The following SLC6A5 variants were observed in gnomAD, a reference collection of about 807,000 sequenced individuals.
SLC6A5 encodes the protein solute carrier family 6 member 5, also known as sodium- and chloride-dependent glycine transporter 2.
In SLC6A5, 58 loss-of-function variants were observed where a neutral mutation model predicts 90.5. The ratio of observed to expected loss-of-function variants is 0.64; its 90% confidence interval spans 0.52 to 0.80. The LOEUF (loss-of-function observed/expected upper bound fraction) is 0.80, where lower values mean the gene tolerates loss of function less well. Among genes scored for constraint, SLC6A5 ranks in the 30% least tolerant of loss-of-function variants. The pLI, the probability that SLC6A5 is intolerant of heterozygous loss-of-function variation, is 0.00. For missense variants in SLC6A5, 1,015 were observed against 1,017.6 expected (o/e 1.00, Z 0.03); for synonymous variants, 427 against 401.4 (o/e 1.06, Z -0.76).
chr11:20,601,261 C>A lies in SLC6A5; in HGVS notation c.136C>A (p.Pro46Thr). ...PEQELPAAAAPPPPRVPRSAS... is the reference protein window; with the variant it reads ...PEQELPAAAATPPPRVPRSAS... ...GCAGGAGCTTCCCGCGGCTGCCGCCCCGCCGCCGCCACGTGTGCCCAGGTC... is the reference window on the plus strand; with the variant it reads ...GCAGGAGCTTCCCGCGGCTGCCGCCACGCCGCCGCCACGTGTGCCCAGGTC... The change falls in exon 2 of 16, where the codon CCG becomes ACG. Residue 46 changes from proline to threonine, a missense_variant. Coordinates refer to ENST00000525748, the MANE Select transcript of SLC6A5 (RefSeq NM_004211.5). 2 of 1,583,950 alleles carry A rather than the reference C, an allele frequency of 1.3e-6. No homozygotes were observed. The highest frequency in any genetic ancestry group is 1.7e-5 in the Admixed American group (1 of 57,858).
chr11:20,605,692 C>T lies in SLC6A5; in HGVS notation c.679+1268C>T, dbSNP rs554478234. Reference sequence around the variant, plus strand: ...CGCAAGTGCCCGCGCTTTGCCCGCCCGGGATCTGCGAAGAGCGGCGGGGCA... The same window carrying T: ...CGCAAGTGCCCGCGCTTTGCCCGCCTGGGATCTGCGAAGAGCGGCGGGGCA... On this transcript the variant is annotated intron_variant, in intron 3 of 15. Transcript: ENST00000525748. Among the ~76,000 whole-genome samples, 3 of 152,352 alleles carry T rather than the reference C, an allele frequency of 2.0e-5. No individual in the cohort carries two copies. The South Asian group carries it at 6.2e-4, about 32-fold the overall frequency.
chr11:20,611,416 C>A (rs1358048360), intron 5 of SLC6A5, among the ~76,000 whole-genome samples: 1 of 152,254 alleles, frequency 6.6e-6, no homozygotes, highest in Non-Finnish European at 1.5e-5. Flanking sequence ...GATTGTGCCA[C>A]TGCACCCTAG....
At chr11:20,637,781 C>T (rs1406221492) in intron 12 of SLC6A5, among the ~76,000 whole-genome samples, 1 of 152,176 alleles carries the variant, frequency 6.6e-6, no homozygotes, top group African/African-American at 2.4e-5. Flanking sequence ...TCTTTATTTA[C>T]CAATCAGGTA....
intron 13 of SLC6A5, among the ~76,000 whole-genome samples, chr11:20,641,020 A>T (rs1232067969): frequency 6.6e-6 from 1 of 152,224 alleles, no homozygotes; most frequent in Non-Finnish European, 1.5e-5. Flanking sequence ...TTAGATTGAA[A>T]CAGTTGTTTG....
In SLC6A5 at chr11:20,638,510, C is replaced by T. The variant is rs1462931345; in HGVS notation, c.1921C>T (p.Leu641Phe). Residue 641 changes from leucine (L) to phenylalanine (F), a missense_variant, in exon 13 of 16, where the codon CTT becomes TTT. Physicochemically the swap from Leu to Phe is conservative, Grantham distance 22 (BLOSUM62 0). Coordinates refer to ENST00000525748, the MANE Select transcript of SLC6A5 (RefSeq NM_004211.5). ...LVDTYAASYALVIIAIFELVG... is the reference protein window; with the variant it reads ...LVDTYAASYAFVIIAIFELVG... ...GGACACCTATGCTGCCTCCTATGCC[C>T]TTGTCATCATTGCCATTTTTGAGCT... 1.2e-6 allele frequency: 2 copies of T among 1,613,442 alleles called. No homozygotes were observed.
chr11:20,601,974 A>G (rs1852489704), intron 2 of SLC6A5, among the ~76,000 whole-genome samples: 1 of 152,258 alleles, frequency 6.6e-6, no homozygotes, highest in Non-Finnish European at 1.5e-5. Flanking sequence ...CCTTTTATGC[A>G]GACAGACTCC....
intron 1 of SLC6A5, 96 bp downstream of exon 1, chr11:20,599,771 A>T: frequency 3.6e-6 from 5 of 1,404,452 alleles, no homozygotes; most frequent in Non-Finnish European, 3.0e-6. Context: ...ATGTCTGTGC[A>T]TTGGGTGGGG....
chr11:20,641,880 T>C (rs1172486950), intron 13 of SLC6A5, among the ~76,000 whole-genome samples: 2 of 152,160 alleles, frequency 1.3e-5, no homozygotes, highest in East Asian at 1.9e-4. Flanking sequence ...TGTGCATCCC[T>C]GGCTGTGAGC....
chr11:20,654,575 C>T (rs1257147991), intron 15 of SLC6A5, 138 bp from the exon 16 acceptor site: 3 of 786,600 alleles, frequency 3.8e-6, no homozygotes, highest in Non-Finnish European at 6.8e-6. Flanking sequence ...CTAACTGCCT[C>T]TCTTGGTAGA....
In SLC6A5 at chr11:20,654,910, T is replaced by C. The variant is rs1853614387; in HGVS notation, c.*42T>C. 1 of 1,593,120 alleles carries C rather than the reference T, an allele frequency of 6.3e-7. No individual in the cohort carries two copies. Among genetic ancestry groups the C allele is most frequent in the Non-Finnish European group, 8.6e-7 (1 of 1,160,776 alleles). On this transcript the variant is annotated 3_prime_UTR_variant, in exon 16 of 16. Transcript: ENST00000525748. ...GGTCCAGACTTGATCCTGTTTTTCC[T>C]CTCTGCCTCCTCCTAATGTTTTCCA...
rs770663979 is a variant in SLC6A5 at position 20,601,202 on chromosome 11, C to T, written c.77C>T (p.Pro26Leu). Residue 26 changes from proline (P) to leucine (L), a missense_variant, in exon 2 of 16, where the codon CCG becomes CTG. Around this residue, in one of 3 missense-constraint regions of SLC6A5, gnomAD observed 567 missense variants for 507.3 expected, o/e 1.12. Transcript: ENST00000525748. ...SPEAAAAQGH[P>L]DGPCAPRTSP... ...GAGGCGGCGGCGGCGCAGGGCCACC[C>T]GGATGGCCCATGCGCTCCCAGGACG... 42 of 1,585,198 alleles carry T rather than the reference C, an allele frequency of 2.6e-5. No homozygotes were observed. Among genetic ancestry groups the T allele is most frequent in the Middle Eastern group, 1.7e-4 (1 of 5,942 alleles).
chr11:20,607,315 C>T (rs1202535572), intron 4 of SLC6A5, among the ~76,000 whole-genome samples, 164 bp from the exon 5 acceptor site: 1 of 151,680 alleles, frequency 6.6e-6, no homozygotes, highest in Non-Finnish European at 1.5e-5. Flanking sequence ...GTTGAGTTCC[C>T]AGCAGAATGC....
intron 11 of SLC6A5, among the ~76,000 whole-genome samples, chr11:20,636,905 AACTT>A (rs1475747384): frequency 4.6e-5 from 7 of 152,110 alleles, no homozygotes; most frequent in Admixed American, 2.0e-4. Flanking sequence ...TACAAAGTGA[AACTT>A]AAACTGTCCT....
At chr11:20,624,695 G>C (rs1207430286) in intron 7 of SLC6A5, among the ~76,000 whole-genome samples, 2 of 152,184 alleles carry the variant, frequency 1.3e-5, no homozygotes, top group African/African-American at 2.4e-5. Flanking sequence ...TGAACCAATA[G>C]CCGTCACCCC....
intron 1 of SLC6A5, 84 bp from the exon 2 acceptor site, chr11:20,601,045 T>G: frequency 7.2e-7 from 1 of 1,391,564 alleles, no homozygotes; most frequent in Non-Finnish European, 9.6e-7. Context: ...TGGACCTGAG[T>G]TGCGAACGTC....
intron 7 of SLC6A5, 40 bp downstream of exon 7, chr11:20,617,924 C>T (rs754024980): frequency 4.4e-6 from 7 of 1,607,550 alleles, no homozygotes; most frequent in Non-Finnish European, 6.0e-6. Context: ...CTGTGAGACA[C>T]CCAGGGGCGG....
chr11:20,614,944 C>T, intron 6 of SLC6A5, 124 bp downstream of exon 6: 1 of 967,176 alleles, frequency 1.0e-6, no homozygotes, highest in Non-Finnish European at 1.6e-6. Context: ...AAGGTTTTTT[C>T]CCTGGTTTGG....
intron 2 of SLC6A5, among the ~76,000 whole-genome samples, chr11:20,602,998 G>T (rs915919598): frequency 6.6e-6 from 1 of 151,334 alleles, no homozygotes; most frequent in Non-Finnish European, 1.5e-5. Context: ...GAATGGAGGT[G>T]GTCTGTGTGT....
chr11:20,649,220 G>C (rs1853478475), intron 14 of SLC6A5, among the ~76,000 whole-genome samples: 1 of 152,184 alleles, frequency 6.6e-6, no homozygotes, highest in South Asian at 2.1e-4. Flanking sequence ...TCTTATGCCA[G>C]AAAGTTGTGG....
Sources: allele counts gnomAD v4.1 joint callset (sites outside exome capture counted in the v4.1 genomes callset), GRCh38; gene constraint gnomAD v4.1.1; regional missense constraint gnomAD v4.1.1; transcripts MANE v1.5; gene names NCBI Gene and HGNC (gene_info 2026-07-23, HGNC 2026-07-21).